The following NSMCE2 variants were observed in gnomAD, a reference collection of about 807,000 sequenced individuals.
NSMCE2 encodes NSE2 SUMO ligase component of SMC5/6 complex, also known as E3 SUMO-protein ligase NSE2.
NSMCE2 carries 24 observed loss-of-function variants against 23.8 expected under a neutral mutation model. The observed-to-expected ratio is 1.01, with a 90% CI of 0.73 to 1.42. NSMCE2 has a LOEUF of 1.42. Among genes scored for constraint, NSMCE2 ranks in the 40% most tolerant of loss-of-function variants. The pLI, the probability that NSMCE2 is intolerant of heterozygous loss-of-function variation, is 0.00. For synonymous variants in NSMCE2, 92 were observed against 94.1 expected, an observed-to-expected ratio of 0.98 and a Z score of 0.13; for missense variants, 284 against 296.5, an observed-to-expected ratio of 0.96 and a Z score of 0.31.
chr8:125,299,276 C>T (rs78119286), intron 5 of NSMCE2, among the ~76,000 whole-genome samples: 3 of 152,176 alleles, frequency 2.0e-5, no homozygotes, highest in East Asian at 1.9e-4. Context: ...CAGTGTGCTC[C>T]GTTTTTAAAA....
At chr8:125,331,279 G>A (rs922994624) in intron 5 of NSMCE2, among the ~76,000 whole-genome samples, 1 of 152,176 alleles carries the variant, frequency 6.6e-6, no homozygotes, top group Non-Finnish European at 1.5e-5. Context: ...CAGCCTGGGT[G>A]ACAGAGCGAG....
At chr8:125,256,957 AAAG>A (rs1826456699) in intron 5 of NSMCE2, among the ~76,000 whole-genome samples, 2 of 126,448 alleles carry the variant, frequency 1.6e-5, no homozygotes, top group African/African-American at 3.2e-5. Flanking sequence ...AAAAAAAAAA[AAAG>A]AGGGCTGAAG....
intron 5 of NSMCE2, among the ~76,000 whole-genome samples, chr8:125,282,892 A>G (rs1036580470): frequency 4.6e-5 from 7 of 152,232 alleles, no homozygotes; most frequent in Non-Finnish European, 8.8e-5. Flanking sequence ...TACCGAAATT[A>G]TGGATGGAAA....
chr8:125,263,622 C>T (rs899428725), intron 5 of NSMCE2, among the ~76,000 whole-genome samples: 9 of 152,018 alleles, frequency 5.9e-5, no homozygotes, highest in African/African-American at 1.7e-4. Flanking sequence ...TGGTAGCACG[C>T]GCCTATAATC....
chr8:125,111,327 CGGG>C (rs1818736801), intron 3 of NSMCE2, among the ~76,000 whole-genome samples: 1 of 151,928 alleles, frequency 6.6e-6, no homozygotes, highest in African/African-American at 2.4e-5. Flanking sequence ...GTTTTAAATC[CGGG>C]TGCTTTGGGG....
intron 4 of NSMCE2, among the ~76,000 whole-genome samples, chr8:125,168,143 T>A (rs1821992500): frequency 6.6e-6 from 1 of 152,346 alleles, no homozygotes; most frequent in East Asian, 1.9e-4. Context: ...GGACTACTTA[T>A]GAGTTTAAGC....
At chr8:125,283,743 T>C (rs1827783009) in intron 5 of NSMCE2, among the ~76,000 whole-genome samples, 1 of 152,200 alleles carries the variant, frequency 6.6e-6, no homozygotes, top group South Asian at 2.1e-4. Flanking sequence ...GGCAGTGCCC[T>C]CATGACACAG....
At chr8:125,251,031 G>A (rs554743225) in intron 5 of NSMCE2, among the ~76,000 whole-genome samples, 1 of 151,966 alleles carries the variant, frequency 6.6e-6, no homozygotes, top group South Asian at 2.1e-4. Context: ...AAATTATATA[G>A]CAGCTGTTAA....
At chr8:125,356,741 A>G (rs1813297878) in intron 5 of NSMCE2, among the ~76,000 whole-genome samples, 1 of 152,236 alleles carries the variant, frequency 6.6e-6, no homozygotes, top group Admixed American at 6.5e-5. Context: ...CCTATAACTA[A>G]AAAGTTTGAG....
intron 1 of NSMCE2, among the ~76,000 whole-genome samples, chr8:125,097,841 G>GA (rs530663753): frequency 1.3e-5 from 2 of 152,124 alleles, no homozygotes; most frequent in Non-Finnish European, 2.9e-5. Context: ...TCTCTGATTT[G>GA]AAAAGCGTGT....
chr8:125,168,225 G>A (rs1221207002), intron 4 of NSMCE2, among the ~76,000 whole-genome samples: 1 of 152,184 alleles, frequency 6.6e-6, no homozygotes, highest in African/African-American at 2.4e-5. Flanking sequence ...GCGAAACACT[G>A]TTCTTTGTAT....
chr8:125,246,432 T>G (rs549378833), intron 5 of NSMCE2, among the ~76,000 whole-genome samples: 4 of 152,176 alleles, frequency 2.6e-5, no homozygotes, highest in South Asian at 2.1e-4. Flanking sequence ...TCCACCCGCC[T>G]CCTCCTCCCA....
rs181442910 is a variant in NSMCE2, at chr8:125,293,482, A to C, written c.419-63737A>C. ...TTTTATTTACTGACTCCAGTGGGTTAATTTTGAAATTTATTTGAACTTCGT... is the reference window on the plus strand; with the variant it reads ...TTTTATTTACTGACTCCAGTGGGTTCATTTTGAAATTTATTTGAACTTCGT... On this transcript the variant is annotated intron_variant, in intron 5 of 7. Coordinates refer to ENST00000287437, the MANE Select transcript of NSMCE2 (RefSeq NM_173685.4). Among the ~76,000 whole-genome samples the C allele has an allele frequency of 9.9e-4, 133 of 134,410 alleles. 6 individuals are homozygous for C. The highest frequency in any genetic ancestry group is 3.8e-3 in the African/African-American group (126 of 33,124). The allele number at this position is 134,410 out of a possible 152,430, so 88.2% of individuals were successfully genotyped here.
chr8:125,314,426 G>A (rs1311051218), intron 5 of NSMCE2, among the ~76,000 whole-genome samples: 1 of 152,014 alleles, frequency 6.6e-6, no homozygotes, highest in Non-Finnish European at 1.5e-5. Context: ...AGTAGCTGGG[G>A]TTATAGGCAC....
chr8:125,177,942 A>G (rs1258904181), intron 4 of NSMCE2, among the ~76,000 whole-genome samples: 1 of 152,184 alleles, frequency 6.6e-6, no homozygotes, highest in Non-Finnish European at 1.5e-5. Flanking sequence ...CCTCAAGACA[A>G]TAGCATTTGA....
At chr8:125,289,806 T>C (rs190615957) in intron 5 of NSMCE2, among the ~76,000 whole-genome samples, 336 of 152,334 alleles carry the variant, frequency 2.2e-3, no homozygotes, top group African/African-American at 7.7e-3. Flanking sequence ...AATTCTGGTG[T>C]CTCCAGTTAG....
At chr8:125,203,707 G>A (rs1018484798) in intron 5 of NSMCE2, among the ~76,000 whole-genome samples, 3 of 152,144 alleles carry the variant, frequency 2.0e-5, no homozygotes, top group South Asian at 4.1e-4. Flanking sequence ...TTGATGTCTT[G>A]GAGGTGAGAA....
At chr8:125,102,508 T>A in intron 3 of NSMCE2, 21 bp downstream of exon 3, 1 of 1,600,752 alleles carries the variant, frequency 6.2e-7, no homozygotes, top group Non-Finnish European at 8.6e-7. Context: ...TTAAAACCTC[T>A]TTTGTGTCTA....
At chr8:125,300,843 T>C (rs1828533037) in intron 5 of NSMCE2, among the ~76,000 whole-genome samples, 1 of 152,090 alleles carries the variant, frequency 6.6e-6, no homozygotes, top group Non-Finnish European at 1.5e-5. Flanking sequence ...AGATGAATGT[T>C]AAAAGATGGA....
Sources: allele counts gnomAD v4.1 joint callset (sites outside exome capture counted in the v4.1 genomes callset), GRCh38; gene constraint gnomAD v4.1.1; transcripts MANE v1.5; gene names NCBI Gene and HGNC (gene_info 2026-07-23, HGNC 2026-07-21).